Variants in GLG1 observed in about 807,000 individuals in gnomAD.
GLG1 encodes the protein golgi glycoprotein 1.
Under a neutral mutation model 160.5 loss-of-function variants are expected in GLG1, and 38 were observed. The ratio of observed to expected loss-of-function variants is 0.24; its 90% CI spans 0.18 to 0.31. The LOEUF (loss-of-function observed/expected upper bound fraction) is 0.31. GLG1 is among the 10% of genes least tolerant of loss of function. The probability of loss-of-function intolerance (pLI) is 1.00; values close to 1 mark genes in which losing one functional copy is unlikely to be tolerated. For missense variants in GLG1, 1,373 were observed against 1,505.2 expected (o/e 0.91, Z 1.45); for synonymous variants, 644 against 543.4 (o/e 1.19, Z -2.57).
In GLG1 at chr16:74,452,279, C is replaced by A. The variant is rs1347972545; in HGVS notation, c.*888G>T. ...CAGAGTGACTGTAGCCTCAGCAGGG[C>A]CGGTCCAGACATGGCTGAGTCCTGT... On this transcript the variant is annotated 3_prime_UTR_variant, in exon 26 of 26. Coordinates refer to ENST00000422840, the MANE Select transcript of GLG1 (RefSeq NM_001145667.2). 10 of 1,468,026 alleles carry A rather than the reference C, an allele frequency of 6.8e-6. No individual in the cohort carries two copies. The Admixed American group carries it at 9.0e-5, about 13-fold the overall frequency. The allele number at this position is 1,468,026 out of a possible 1,614,324, so 90.9% of individuals were successfully genotyped here.
At chr16:74,465,069 C>T (rs1047752492) in intron 19 of GLG1, among the ~76,000 whole-genome samples, 7 of 152,168 alleles carry the variant, frequency 4.6e-5, no homozygotes, top group Non-Finnish European at 7.3e-5. Context: ...GAACTCCTGA[C>T]CTCAGGTGAT....
At chr16:74,542,716 G>GGGAGGGAGGGAGGGAGGAAGGAA (rs1567513828) in intron 1 of GLG1, among the ~76,000 whole-genome samples, 1 of 29,784 alleles carries the variant, frequency 3.4e-5, no homozygotes, top group African/African-American at 1.3e-4. Context: ...AAGGGAAGAA[G>GGGAGGGAGGGAGGGAGGAAGGAA]GGAAGGAAGG....
Position 74,474,542 on chromosome 16 carries a change from T to G in GLG1, c.2052+4A>C. 7.2e-7 allele frequency: 1 copy of G among 1,379,562 alleles called. No individual in the cohort carries two copies. The allele number at this position is 1,379,562 out of a possible 1,614,324, so 85.5% of individuals were successfully genotyped here. A position where few individuals can be genotyped will look rare whatever the true frequency, so the allele number is the denominator to read the frequency against. On this transcript the variant is annotated splice_donor_region_variant and intron_variant, in intron 13 of 25. Coordinates refer to ENST00000422840, the MANE Select transcript of GLG1 (RefSeq NM_001145667.2). ...CTCCAATGAGTAAGCTGCATACCAC[T>G]TACCTCTGATTCTAACTCAGTGAGG...
intron 1 of GLG1, among the ~76,000 whole-genome samples, chr16:74,580,573 C>T (rs1439965500): frequency 6.6e-6 from 1 of 152,090 alleles, no homozygotes; most frequent in Non-Finnish European, 1.5e-5. Context: ...CTACAATATA[C>T]TGTGAAGCAA....
chr16:74,471,353 C>G, intron 14 of GLG1, 67 bp from the exon 15 acceptor site: 1 of 888,828 alleles, frequency 1.1e-6, no homozygotes, highest in Non-Finnish European at 1.9e-6. Context: ...GTAGCCCAGT[C>G]CGAAACAAAT....
At chr16:74,469,956 G>C (rs1400159480) in intron 16 of GLG1, 29 bp downstream of exon 16, 4 of 1,363,122 alleles carry the variant, frequency 2.9e-6, no homozygotes, top group African/African-American at 1.4e-5. Flanking sequence ...CTTCGGGAAA[G>C]TGGAATGAAA....
intron 2 of GLG1, among the ~76,000 whole-genome samples, chr16:74,513,506 G>A (rs928235335): frequency 2.6e-5 from 4 of 152,138 alleles, no homozygotes; most frequent in Non-Finnish European, 5.9e-5. Flanking sequence ...GGCAAACAGG[G>A]TCTGGAATGG....
intron 4 of GLG1, among the ~76,000 whole-genome samples, chr16:74,497,748 C>T (rs1297546271): frequency 6.6e-6 from 1 of 152,102 alleles, no homozygotes; most frequent in Non-Finnish European, 1.5e-5. Flanking sequence ...ACAGTGCTTT[C>T]AGTCAAGTTA....
chr16:74,587,012 T>A (rs879703923), intron 1 of GLG1, among the ~76,000 whole-genome samples: 582 of 146,062 alleles, frequency 4.0e-3, no homozygotes, highest in Non-Finnish European at 6.3e-3. Context: ...TCTCTCTTTC[T>A]AACAAATTCT....
chr16:74,574,403 T>G (rs767513327), intron 1 of GLG1, among the ~76,000 whole-genome samples: 5 of 152,326 alleles, frequency 3.3e-5, no homozygotes, highest in South Asian at 2.1e-4. Flanking sequence ...ATAGGGATAC[T>G]GCATTACTCA....
At chr16:74,600,969 T>TACTTAAA (rs1958427159) in intron 1 of GLG1, among the ~76,000 whole-genome samples, 1 of 152,162 alleles carries the variant, frequency 6.6e-6, no homozygotes, top group Non-Finnish European at 1.5e-5. Flanking sequence ...AAAGTACTAG[T>TACTTAAA]GTCCTTCCAC....
intron 3 of GLG1, among the ~76,000 whole-genome samples, chr16:74,507,966 T>C (rs574743874): frequency 6.6e-6 from 1 of 152,060 alleles, no homozygotes; most frequent in African/African-American, 2.4e-5. Flanking sequence ...ACGATATGCC[T>C]TTCTGCTCGG....
chr16:74,453,738 G>A (rs2014416675), intron 25 of GLG1, among the ~76,000 whole-genome samples: 8 of 152,186 alleles, frequency 5.3e-5, no homozygotes, highest in Admixed American at 5.2e-4. Context: ...CCAGGGGTGA[G>A]TGTGGTTAAA....
At chr16:74,606,359 A>G (rs987128971) in intron 1 of GLG1, among the ~76,000 whole-genome samples, 4 of 152,194 alleles carry the variant, frequency 2.6e-5, no homozygotes, top group Non-Finnish European at 4.4e-5. Flanking sequence ...ATAGAGCATC[A>G]CACAAAAGAC....
At chr16:74,491,826 A>T (rs558926686) in intron 7 of GLG1, among the ~76,000 whole-genome samples, 1 of 151,690 alleles carries the variant, frequency 6.6e-6, no homozygotes, top group South Asian at 2.1e-4. Context: ...TTTTCAGTAG[A>T]GACGGGGTTT....
chr16:74,548,033 G>C (rs1024939788), intron 1 of GLG1, among the ~76,000 whole-genome samples: 1 of 152,210 alleles, frequency 6.6e-6, no homozygotes, highest in African/African-American at 2.4e-5. Context: ...GCATTCAAAC[G>C]ATTCTCCTGC....
intron 1 of GLG1, among the ~76,000 whole-genome samples, chr16:74,579,304 G>A (rs1957882917): frequency 6.6e-6 from 1 of 152,124 alleles, no homozygotes; most frequent in Admixed American, 6.5e-5. Context: ...AGCTCCTGGG[G>A]TGGTGGAGGC....
At position 74,456,353 on chromosome 16, in the gene GLG1, G is replaced by C. The variant is rs1219767585; in HGVS notation, c.3372+296C>G. 2.0e-5 allele frequency among the ~76,000 whole-genome samples: 3 copies of C among 152,206 alleles called. No homozygotes were observed. The South Asian group carries it at 6.2e-4, about 32-fold the overall frequency. ...GTTTACTGTTTTTTAGTAGAGACGG[G>C]GTTTCACCGTGTTGGCCAGGTTGGT... On this transcript the variant is annotated intron_variant, in intron 25 of 25. Coordinates refer to ENST00000422840, the MANE Select transcript of GLG1 (RefSeq NM_001145667.2).
intron 1 of GLG1, among the ~76,000 whole-genome samples, chr16:74,544,119 G>C (rs8051990): frequency 0.67 from 101,260 of 151,956 alleles, 33,931 homozygotes; most frequent in East Asian, 0.81. Flanking sequence ...AAATGTATTA[G>C]CTCCCTAATA....
Sources: allele counts gnomAD v4.1 joint callset (sites outside exome capture counted in the v4.1 genomes callset), GRCh38; gene constraint gnomAD v4.1.1; transcripts MANE v1.5; gene names NCBI Gene and HGNC (gene_info 2026-07-23, HGNC 2026-07-21).